Variants in EDDM13 observed in about 807,000 individuals in gnomAD.
EDDM13 encodes epididymal protein 13.
EDDM13 carries 24 observed loss-of-function variants against 17.8 expected under a neutral mutation model. The observed-to-expected ratio is 1.35, with a 90% CI of 0.98 to 1.90. EDDM13 has a LOEUF of 1.90. Among genes scored for constraint, EDDM13 ranks in the 40% most tolerant of loss-of-function variants. EDDM13 has a pLI of 0.00. For synonymous variants in EDDM13, 31 were observed against 37.5 expected (o/e 0.83, Z 0.63); for missense variants, 97 against 100.8 (o/e 0.96, Z 0.16).
At chr19:56,309,572 A>G (rs919677915) in intron 14 of EDDM13, among the ~76,000 whole-genome samples, 3 of 152,208 alleles carry the variant, frequency 2.0e-5, no homozygotes, top group Non-Finnish European at 4.4e-5. Context: ...ATAGACTGTG[A>G]GCCCCTGTGG....
At chr19:56,307,772 T>A (rs2040794164) in intron 14 of EDDM13, among the ~76,000 whole-genome samples, 1 of 152,202 alleles carries the variant, frequency 6.6e-6, no homozygotes, top group Non-Finnish European at 1.5e-5. Flanking sequence ...TGAATAAAAA[T>A]TTCAGTCCAT....
intron 1 of EDDM13, among the ~76,000 whole-genome samples, 162 bp downstream of exon 1, chr19:56,273,081 G>A (rs1354857839): frequency 6.6e-6 from 1 of 152,160 alleles, no homozygotes; most frequent in Non-Finnish European, 1.5e-5. Flanking sequence ...TGGGGTGAAT[G>A]AGTCTAGGTT....
chr19:56,304,260 G>T (rs1235980306), intron 13 of EDDM13, among the ~76,000 whole-genome samples: 1 of 152,222 alleles, frequency 6.6e-6, no homozygotes, highest in Non-Finnish European at 1.5e-5. Flanking sequence ...TATGCGCTGG[G>T]TGTGAGGAAT....
chr19:56,272,758 C>A lies in EDDM13; in HGVS notation c.-77C>A. 2 of 536,266 alleles carry A rather than the reference C, an allele frequency of 3.7e-6. No homozygotes were observed. The highest frequency in any genetic ancestry group is 4.8e-6 in the Non-Finnish European group (2 of 419,698). The allele number at this position is 536,266 out of a possible 1,614,324, so 33.2% of individuals were successfully genotyped here. A position where few individuals can be genotyped will look rare whatever the true frequency, so the allele number is the denominator to read the frequency against. On this transcript the variant is annotated 5_prime_UTR_variant, in exon 1 of 15. Coordinates refer to ENST00000649256, the MANE Select transcript of EDDM13 (RefSeq NM_001354658.2). ...TGGGCAGTTAGTTTTGTCCCTGGAG[C>A]CTGGGAAGACGGTGGGTGACCAGAG...
chr19:56,301,806 G>A lies in EDDM13; in HGVS notation c.296-162G>A, dbSNP rs368396222. On this transcript the variant is annotated intron_variant, in intron 12 of 14. Coordinates refer to ENST00000649256, the MANE Select transcript of EDDM13 (RefSeq NM_001354658.2). ...TCTGGAGTATGGTGGTAACCAAGAA[G>A]GGGGAAGCTGGCAGTGATGGTGGGT... The A allele has an allele frequency of 9.9e-6, 7 of 704,300 alleles. No individual in the cohort carries two copies. In the South Asian group the frequency reaches 3.8e-4, roughly 38 times the overall value. The allele number at this position is 704,300 out of a possible 1,614,324, so 43.6% of individuals were successfully genotyped here.
At chr19:56,307,326 C>T (rs1352788462) in intron 14 of EDDM13, among the ~76,000 whole-genome samples, 1 of 152,174 alleles carries the variant, frequency 6.6e-6, no homozygotes, top group Non-Finnish European at 1.5e-5. Context: ...TGCAGTCCTG[C>T]TTAAATCCAC....
chr19:56,281,792 G>A (rs957150007), intron 3 of EDDM13, 94 bp downstream of exon 3: 1 of 715,516 alleles, frequency 1.4e-6, no homozygotes, highest in Non-Finnish European at 1.7e-6. Flanking sequence ...AACTGCTGAC[G>A]ATCACATTCA....
chr19:56,308,005 TC>T (rs1297483173), intron 14 of EDDM13, among the ~76,000 whole-genome samples: 1 of 152,120 alleles, frequency 6.6e-6, no homozygotes, highest in Non-Finnish European at 1.5e-5. Context: ...CTTCTCTTGA[TC>T]CCCCCACCCA....
intron 11 of EDDM13, among the ~76,000 whole-genome samples, chr19:56,296,832 G>A (rs1008320514): frequency 4.6e-5 from 7 of 152,118 alleles, no homozygotes; most frequent in Non-Finnish European, 1.0e-4. Flanking sequence ...TCAGAAGTTC[G>A]AGACCAGCCT....
chr19:56,277,275 G>A (rs1306786009), intron 2 of EDDM13, among the ~76,000 whole-genome samples: 1 of 152,160 alleles, frequency 6.6e-6, no homozygotes, highest in Non-Finnish European at 1.5e-5. Flanking sequence ...AGCAAGTGAA[G>A]GTAATCCTAG....
At chr19:56,275,579 G>A (rs1044156887) in intron 1 of EDDM13, among the ~76,000 whole-genome samples, 3 of 152,144 alleles carry the variant, frequency 2.0e-5, no homozygotes, top group Admixed American at 2.0e-4. Flanking sequence ...AAAATAGTAA[G>A]AATAAATAAA....
chr19:56,291,392 C>T (rs951362639), intron 9 of EDDM13, among the ~76,000 whole-genome samples: 9 of 152,194 alleles, frequency 5.9e-5, no homozygotes, highest in Non-Finnish European at 1.3e-4. Context: ...GGAGTAAAGT[C>T]TCAAAGAAGC....
chr19:56,276,639 C>T (rs1021020408), intron 2 of EDDM13, among the ~76,000 whole-genome samples: 2 of 151,732 alleles, frequency 1.3e-5, no homozygotes, highest in East Asian at 1.9e-4. Context: ...TGGGTTCAAG[C>T]GATTCTCCTG....
intron 6 of EDDM13, among the ~76,000 whole-genome samples, chr19:56,286,159 C>T (rs2039104095): frequency 6.6e-6 from 1 of 151,918 alleles, no homozygotes; most frequent in Admixed American, 6.6e-5. Flanking sequence ...GTAGCTGGGA[C>T]TACAGGCGCC....
intron 3 of EDDM13, 144 bp downstream of exon 3, chr19:56,281,842 C>T: frequency 3.1e-6 from 1 of 320,644 alleles, no homozygotes; most frequent in African/African-American, 2.2e-5. Flanking sequence ...CAAACATGAC[C>T]TCTTCACCCA....
chr19:56,305,186 A>T (rs562646234), intron 14 of EDDM13, among the ~76,000 whole-genome samples: 6 of 152,298 alleles, frequency 3.9e-5, no homozygotes, highest in African/African-American at 1.4e-4. Flanking sequence ...GGCCATCACC[A>T]CTAATCTGTT....
chr19:56,293,416 C>T (rs17273379), intron 9 of EDDM13, among the ~76,000 whole-genome samples: 14,900 of 152,174 alleles, frequency 0.098, 972 homozygotes, highest in Non-Finnish European at 0.15. Context: ...AACGAGGTCC[C>T]TGCCTCATCC....
chr19:56,279,277 ATC>A (rs548692878), intron 2 of EDDM13, among the ~76,000 whole-genome samples: 79 of 152,066 alleles, frequency 5.2e-4, no homozygotes, highest in African/African-American at 1.8e-3. Context: ...AGGGAAAAAG[ATC>A]TCTTTTTTTT....
In EDDM13 at chr19:56,302,528, C is replaced by CTTCTT. The variant is rs1568725927; in HGVS notation, c.423+433_423+434insTTCTT. On this transcript the variant is annotated intron_variant, in intron 13 of 14. Coordinates refer to ENST00000649256, the MANE Select transcript of EDDM13 (RefSeq NM_001354658.2). Reference sequence around the variant, plus strand: ...GCCCTTCTTTCCTTCCTCCCTCCCTCCCTCTTCTTCCTCCCCGTTCCTCCC... The same window carrying CTTCTT: ...GCCCTTCTTTCCTTCCTCCCTCCCTCTTCTTCCTCTTCTTCCTCCCCGTTCCTCCC... Among the ~76,000 whole-genome samples the CTTCTT allele has an allele frequency of 1.0e-3, 88 of 86,618 alleles. 3 individuals carry two copies. Among genetic ancestry groups the CTTCTT allele is most frequent in the Non-Finnish European group, 1.3e-3 (44 of 34,536 alleles). 56.8% of individuals were successfully genotyped at this position (86,618 alleles called of 152,430 possible). A position where few individuals can be genotyped will look rare whatever the true frequency, so the allele number is the denominator to read the frequency against.
Sources: gnomAD v4.1 joint callset for allele counts (sites outside exome capture counted in the v4.1 genomes callset) on GRCh38, gnomAD v4.1.1 for gene constraint, MANE v1.5 for transcripts, NCBI Gene and HGNC (gene_info 2026-07-23, HGNC 2026-07-21) for gene names.